Variants in SWI5 observed in about 807,000 individuals in gnomAD.
The protein encoded by SWI5 is SWI5 homologous recombination repair protein.
A neutral mutation model predicts 17.0 loss-of-function variants in SWI5; 12 were observed. That is an observed-to-expected ratio of 0.71 (90% CI 0.45 to 1.14). The LOEUF (loss-of-function observed/expected upper bound fraction) is 1.14. Among genes scored for constraint, SWI5 ranks in the 50% most tolerant of loss-of-function variants. SWI5 has a pLI of 0.00. For synonymous variants in SWI5, 61 were observed against 64.0 expected (o/e 0.95, Z 0.22); for missense variants, 158 against 162.2 (o/e 0.97, Z 0.14).
chr9:128,284,457 T>G lies in SWI5; in HGVS notation c.112-53T>G, dbSNP rs1008540631. On this transcript the variant is annotated intron_variant, in intron 2 of 4. Transcript: ENST00000418976. Reference sequence around the variant, plus strand: ...AGTGACTACTGGGGGACATGTAGGCTGTGAATTGTGGATAACTGGTCAGTC... The same window carrying G: ...AGTGACTACTGGGGGACATGTAGGCGGTGAATTGTGGATAACTGGTCAGTC... 3.8e-6 allele frequency: 6 copies of G among 1,592,486 alleles called. No homozygotes were observed. The African/African-American group carries it at 6.7e-5, about 18-fold the overall frequency.
At position 128,276,543 on chromosome 9, in the gene SWI5, G is replaced by GC. The variant is rs1168164736; in HGVS notation, c.62+141_62+142insC. On this transcript the variant is annotated intron_variant, in intron 1 of 4. Transcript: ENST00000418976. ...CGTCTCAGAACGCCCCCTTCCTAGA[G>GC]GGTCTCTACCCTGATCCTGAGAGCG... 1.9e-6 allele frequency: 3 copies of GC among 1,573,050 alleles called. No individual in the cohort carries two copies. In the African/African-American group the frequency reaches 4.1e-5, roughly 21 times the overall value.
chr9:128,283,185 G>A (rs893875330), intron 2 of SWI5, among the ~76,000 whole-genome samples: 83 of 152,324 alleles, frequency 5.4e-4, no homozygotes, highest in African/African-American at 1.9e-3. Context: ...AGCCAGGCAT[G>A]GTGGTGGGCG....
chr9:128,287,718 C>T (rs1428798361), intron 4 of SWI5, among the ~76,000 whole-genome samples: 4 of 151,686 alleles, frequency 2.6e-5, no homozygotes, highest in Admixed American at 6.6e-5. Context: ...TCCACCACCA[C>T]GCCCGGCTAA....
At chr9:128,288,735 G>A in exon 5 of SWI5, 1 of 1,613,838 alleles carries the variant, frequency 6.2e-7, no homozygotes, top group Non-Finnish European at 8.5e-7. Flanking sequence ...ATCGCCCCTT[G>A]TCCACAGCTC....
intron 3 of SWI5, 112 bp downstream of exon 3, chr9:128,284,743 G>T: frequency 7.5e-7 from 1 of 1,333,748 alleles, no homozygotes; most frequent in Non-Finnish European, 1.0e-6. Flanking sequence ...ATCACTTGAG[G>T]TCAGGAGTTT....
At chr9:128,284,957 A>T (rs1335683855) in intron 3 of SWI5, among the ~76,000 whole-genome samples, 3 of 73,572 alleles carry the variant, frequency 4.1e-5, no homozygotes, top group South Asian at 4.1e-4. Context: ...ATCTGTCTTT[A>T]AAAAAAAAAA....
intron 4 of SWI5, among the ~76,000 whole-genome samples, chr9:128,287,301 T>C (rs955764877): frequency 2.0e-5 from 3 of 150,110 alleles, no homozygotes; most frequent in African/African-American, 7.4e-5. Context: ...AAAAATTAGC[T>C]AGGTGTGGTG....
chr9:128,276,446 C>T (rs1188267538), intron 1 of SWI5, 44 bp downstream of exon 1: 4 of 1,601,334 alleles, frequency 2.5e-6, no homozygotes, highest in Middle Eastern at 1.8e-4. Context: ...TGACTCCTCA[C>T]AGCCCTGCCC....
In SWI5 at chr9:128,286,051, C is replaced by T. The variant is rs751172309; in HGVS notation, c.328+18C>T. On this transcript the variant is annotated intron_variant, in intron 4 of 4. Transcript: ENST00000418976. ...CAAACTAGGTGAGTAGTTGGGACTC[C>T]AGAGCCACAAGCAGGCATCATAGGG... The T allele has an allele frequency of 1.9e-6, 3 of 1,580,840 alleles. No homozygotes were observed. Among genetic ancestry groups the T allele is most frequent in the African/African-American group, 1.3e-5 (1 of 74,188 alleles).
rs570065202 is a variant in SWI5 at position 128,284,956 on chromosome 9, T to TAA, written c.233+348_233+349dup. On this transcript the variant is annotated intron_variant, in intron 3 of 4. Coordinates refer to ENST00000418976, the Ensembl canonical transcript of SWI5. ...GGGCGATGGAGTGAGAATCTGTCTTTAAAAAAAAAAAAAAAAAAAAAAAAG... is the reference window on the plus strand; with the variant it reads ...GGGCGATGGAGTGAGAATCTGTCTTTAAAAAAAAAAAAAAAAAAAAAAAAAAG... 5.4e-3 allele frequency among the ~76,000 whole-genome samples: 462 copies of TAA among 84,904 alleles called. 7 individuals carry two copies. The highest frequency in any genetic ancestry group is 0.021 in the African/African-American group (405 of 19,410). The allele number at this position is 84,904 out of a possible 152,430, so 55.7% of individuals were successfully genotyped here. A position where few individuals can be genotyped will look rare whatever the true frequency, so the allele number is the denominator to read the frequency against.
Position 128,285,963 on chromosome 9 carries a change from G to T in SWI5, c.258G>T (p.Glu86Asp). The change falls in exon 4 of 5, where the codon GAG becomes GAT. Residue 86 changes from glutamate to aspartate, a missense_variant. Physicochemically the swap from Glu to Asp is conservative, Grantham distance 45 (BLOSUM62 2). Coordinates refer to ENST00000418976, the Ensembl canonical transcript of SWI5. This position sits in a 1 kb window ranked among gnomAD's most constrained non-coding sequence, Gnocchi z 4.8. ...GAGGCTACAGTGTGGATGAACTGGA[G>T]GACCACATTACCCAGCTTCACGAGT... The T allele has an allele frequency of 6.2e-7, 1 of 1,614,028 alleles. No individual in the cohort carries two copies. Among genetic ancestry groups the T allele is most frequent in the Non-Finnish European group, 8.5e-7 (1 of 1,179,902 alleles).
At chr9:128,282,087 G>T (rs1458536251) in intron 2 of SWI5, among the ~76,000 whole-genome samples, 1 of 151,580 alleles carries the variant, frequency 6.6e-6, no homozygotes, top group Non-Finnish European at 1.5e-5. Flanking sequence ...CATCTTAAAA[G>T]AAAAATTAAA....
At chr9:128,288,575 A>G in intron 4 of SWI5, 77 bp from the exon 5 acceptor site, 2 of 1,531,894 alleles carry the variant, frequency 1.3e-6, no homozygotes, top group Non-Finnish European at 1.8e-6. Flanking sequence ...CAGGGCAGTG[A>G]CACTGGCTCG....
intron 2 of SWI5, among the ~76,000 whole-genome samples, chr9:128,283,754 C>T (rs1431006511): frequency 8.5e-5 from 13 of 152,224 alleles, no homozygotes; most frequent in Non-Finnish European, 1.5e-4. Context: ...TGCTCAGCTC[C>T]AGCACTGCAT....
chr9:128,288,550 T>G lies in SWI5; in HGVS notation c.329-102T>G, dbSNP rs916793539. 33 of 1,200,426 alleles carry G rather than the reference T, an allele frequency of 2.7e-5. No homozygotes were observed. The East Asian group carries it at 3.3e-4, about 12-fold the overall frequency. The allele number at this position is 1,200,426 out of a possible 1,614,324, so 74.4% of individuals were successfully genotyped here. A position where few individuals can be genotyped will look rare whatever the true frequency, so the allele number is the denominator to read the frequency against. On this transcript the variant is annotated intron_variant, in intron 4 of 4. Coordinates refer to ENST00000418976, the Ensembl canonical transcript of SWI5. The stretch of plus-strand genomic sequence containing the variant: ...GTGGGGACTGGCTTGAAGCCAGAGG[T>G]GGTCCTGGGTGGGTCAGGGCAGTGA...
At chr9:128,276,337 C>G (rs771102225) in exon 1 of SWI5, 2 of 1,613,228 alleles carry the variant, frequency 1.2e-6, no homozygotes, top group Non-Finnish European at 1.7e-6. Flanking sequence ...CTCCGACTCC[C>G]GCGCTGGACC....
chr9:128,287,169 G>A lies in SWI5; in HGVS notation c.328+1136G>A, dbSNP rs1831655005. ...AAAAAAAAAAAAAAAAAAAGGCCGG[G>A]CTCGCTGGCTCGCACTTGTATCCCA... On this transcript the variant is annotated intron_variant, in intron 4 of 4. Coordinates refer to ENST00000418976, the Ensembl canonical transcript of SWI5. Among the ~76,000 whole-genome samples, 2 of 148,312 alleles carry A rather than the reference G, an allele frequency of 1.3e-5. 1 individual carries two copies. Among genetic ancestry groups the A allele is most frequent in the Admixed American group, 1.4e-4 (2 of 14,800 alleles).
Position 128,285,052 on chromosome 9 carries a change from C to T in SWI5, c.233+421C>T, listed in dbSNP as rs576474285. Among the ~76,000 whole-genome samples, 36 of 148,826 alleles carry T rather than the reference C, an allele frequency of 2.4e-4. 1 individual carries two copies. In the South Asian group the frequency reaches 6.4e-3, roughly 27 times the overall value. ...GGCCTAGCATAGAAATACGACTGTG[C>T]GCTACTCAGGAGGCTGAGGCAGGAG... On this transcript the variant is annotated intron_variant, in intron 3 of 4. Transcript: ENST00000418976. This position sits in a 1 kb window ranked among gnomAD's most constrained non-coding sequence, Gnocchi z 4.8.
At chr9:128,278,380 A>G (rs1354168056) in intron 2 of SWI5, among the ~76,000 whole-genome samples, 2 of 152,144 alleles carry the variant, frequency 1.3e-5, no homozygotes, top group Non-Finnish European at 2.9e-5. Context: ...CAGTCTGCCC[A>G]ACATGGTGAA....
Sources: allele counts gnomAD v4.1 joint callset (sites outside exome capture counted in the v4.1 genomes callset), GRCh38; gene constraint gnomAD v4.1.1; non-coding constraint Gnocchi (gnomAD v3.1); transcripts MANE v1.5; gene names NCBI Gene and HGNC (gene_info 2026-07-23, HGNC 2026-07-21).